The following AGO3 variants were observed in gnomAD, a reference collection of about 807,000 sequenced individuals.
The protein encoded by AGO3 is argonaute RISC catalytic component 3, also known as protein argonaute-3.
AGO3 carries 16 observed loss-of-function variants against 105.5 expected under a neutral mutation model. That is an observed-to-expected ratio of 0.15 (90% CI 0.10 to 0.23). The LOEUF is 0.23. AGO3 is among the 10% of genes least tolerant of loss of function. The probability of loss-of-function intolerance (pLI) is 1.00; values close to 1 mark genes in which losing one functional copy is unlikely to be tolerated. For synonymous variants in AGO3, 340 were observed against 367.3 expected (o/e 0.93, Z 0.85); for missense variants, 534 against 1,088.0 (o/e 0.49, Z 7.16).
intron 2 of AGO3, among the ~76,000 whole-genome samples, chr1:35,962,569 A>G (rs1557653658): frequency 6.6e-6 from 1 of 151,768 alleles, no homozygotes; most frequent in Non-Finnish European, 1.5e-5. Context: ...AGAAAGAAAG[A>G]AAACATCTTG....
intron 2 of AGO3, among the ~76,000 whole-genome samples, chr1:35,947,683 G>A (rs1440037317): frequency 2.6e-5 from 4 of 152,046 alleles, no homozygotes; most frequent in African/African-American, 4.8e-5. Context: ...TTTCAGTGCC[G>A]TACTCTTATC....
intron 5 of AGO3, among the ~76,000 whole-genome samples, chr1:35,978,155 C>T (rs1646985002): frequency 6.6e-6 from 1 of 152,076 alleles, no homozygotes; most frequent in South Asian, 2.1e-4. Flanking sequence ...GAAATAAAAT[C>T]TTGATGAACT....
At chr1:35,987,303 G>A (rs1380982504) in intron 5 of AGO3, among the ~76,000 whole-genome samples, 1 of 151,786 alleles carries the variant, frequency 6.6e-6, no homozygotes, top group African/African-American at 2.4e-5. Flanking sequence ...GCTCCAGCCT[G>A]GGCGACAGAA....
chr1:35,995,236 ATT>A (rs1553164848), intron 5 of AGO3, among the ~76,000 whole-genome samples: 3 of 143,534 alleles, frequency 2.1e-5, no homozygotes, highest in East Asian at 2.2e-4. Flanking sequence ...ATATATATAT[ATT>A]ATATAAAATT....
At chr1:36,031,236 G>T (rs796912708) in intron 12 of AGO3, among the ~76,000 whole-genome samples, 9 of 151,958 alleles carry the variant, frequency 5.9e-5, no homozygotes, top group African/African-American at 2.2e-4. Context: ...CTATTGTCAG[G>T]CATGACCATA....
chr1:36,051,465 A>G (rs528635963), intron 17 of AGO3, among the ~76,000 whole-genome samples: 1 of 152,292 alleles, frequency 6.6e-6, no homozygotes, highest in East Asian at 1.9e-4. Flanking sequence ...CATGCCTGTA[A>G]TCCCAGCTTC....
chr1:36,014,736 A>T (rs1336664266), intron 11 of AGO3, among the ~76,000 whole-genome samples: 1 of 144,102 alleles, frequency 6.9e-6, no homozygotes, highest in African/African-American at 2.6e-5. Flanking sequence ...GTGCCACTGC[A>T]CTCCAGCCTG....
chr1:35,993,738 C>CTTTTTTTTTTTT (rs141978570), intron 5 of AGO3, among the ~76,000 whole-genome samples: 3 of 90,780 alleles, frequency 3.3e-5, no homozygotes, highest in African/African-American at 1.5e-4. Context: ...CCACCCCCTG[C>CTTTTTTTTTTTT]TTTTTTTTTT....
intron 1 of AGO3, among the ~76,000 whole-genome samples, chr1:35,943,531 C>T (rs1646296711): frequency 6.6e-6 from 1 of 151,266 alleles, no homozygotes; most frequent in Admixed American, 6.6e-5. Context: ...GAACTCCCAA[C>T]CTCAGGTGAT....
chr1:35,982,483 A>T (rs1259003132), intron 5 of AGO3: 1 of 597,536 alleles, frequency 1.7e-6, no homozygotes, highest in Non-Finnish European at 3.0e-6. Context: ...ATCACAGAAA[A>T]TTAAATGCAA....
At chr1:36,009,168 T>C (rs1381109370) in intron 8 of AGO3, 124 bp downstream of exon 8, 10 of 1,219,996 alleles carry the variant, frequency 8.2e-6, no homozygotes, top group Non-Finnish European at 1.1e-5. Context: ...TAAGTTTTAA[T>C]TTATTCTAAA....
chr1:35,941,222 T>G (rs1646247459), intron 1 of AGO3, among the ~76,000 whole-genome samples: 1 of 152,152 alleles, frequency 6.6e-6, no homozygotes, highest in Admixed American at 6.5e-5. Flanking sequence ...ATCTAGTCCA[T>G]TTAACAATTC....
At chr1:36,022,698 G>A (rs7549454) in intron 11 of AGO3, among the ~76,000 whole-genome samples, 2,361 of 152,042 alleles carry the variant, frequency 0.016, 51 homozygotes, top group African/African-American at 0.054. Context: ...TTGGGAGGCC[G>A]AGGCGGGTGG....
At chr1:35,944,627 A>G (rs1646327048) in intron 1 of AGO3, among the ~76,000 whole-genome samples, 1 of 147,954 alleles carries the variant, frequency 6.8e-6, no homozygotes, top group Non-Finnish European at 1.5e-5. Context: ...CAGCCTGCTA[A>G]GTAGCTGGAA....
Position 36,008,731 on chromosome 1 carries a change from A to G in AGO3, c.835A>G (p.Lys279Glu). ...EVTHCGTMRRKYRVCNVTRRP... is the reference protein window; with the variant it reads ...EVTHCGTMRREYRVCNVTRRP... ...GACTCATTGTGGAACAATGAGACGG[A>G]AATACCGTGTTTGTAATGTAACAAG... The change falls in exon 7 of 19, where the codon AAA becomes GAA. Residue 279 changes from lysine to glutamate, a missense_variant. By Grantham distance (56) the Lys-to-Glu change is moderately conservative (BLOSUM62 1). This residue lies in a region of AGO3 where 373 missense variants were observed against 854.0 expected (regional missense o/e 0.44). Transcript: ENST00000373191. This position sits in a 1 kb window ranked among gnomAD's most constrained non-coding sequence, Gnocchi z 5.1. 1 of 1,614,160 alleles carries G rather than the reference A, an allele frequency of 6.2e-7. No individual in the cohort carries two copies. Among genetic ancestry groups the G allele is most frequent in the Non-Finnish European group, 8.5e-7 (1 of 1,180,022 alleles).
chr1:35,950,784 A>G (rs569933186), intron 2 of AGO3, among the ~76,000 whole-genome samples: 1 of 152,276 alleles, frequency 6.6e-6, no homozygotes, highest in East Asian at 1.9e-4. Context: ...TCCAACCTCT[A>G]AATACACCTT....
chr1:35,932,369 C>CT (rs760625135), intron 1 of AGO3, among the ~76,000 whole-genome samples: 1 of 152,132 alleles, frequency 6.6e-6, no homozygotes, highest in Non-Finnish European at 1.5e-5. Context: ...GCGGGGCTGT[C>CT]TTGTTACTAA....
rs770591391 is a variant in AGO3, at chr1:36,069,504, A to C, written c.*13759A>C. On this transcript the variant is annotated 3_prime_UTR_variant, in exon 19 of 19. Coordinates refer to ENST00000373191, the MANE Select transcript of AGO3 (RefSeq NM_024852.4). ...AGTGTTGTGTGAAGGATTCCTTTCC[A>C]GTTTGCCTCTGTGAAAATGTCTTTG... The C allele has an allele frequency of 3.3e-5, 5 of 152,220 alleles. No individual in the cohort carries two copies. Among genetic ancestry groups the C allele is most frequent in the Non-Finnish European group, 7.3e-5 (5 of 68,044 alleles). The allele number at this position is 152,220 out of a possible 1,614,324, so 9.4% of individuals were successfully genotyped here.
chr1:36,019,493 A>G (rs953091449), intron 11 of AGO3, among the ~76,000 whole-genome samples: 2 of 152,210 alleles, frequency 1.3e-5, no homozygotes, highest in Admixed American at 1.3e-4. Flanking sequence ...TTCTTCAGCA[A>G]TGTTCTATGA....
Sources: gnomAD v4.1 joint callset for allele counts (sites outside exome capture counted in the v4.1 genomes callset) on GRCh38, gnomAD v4.1.1 for gene constraint, gnomAD v4.1.1 regional missense constraint, Gnocchi (gnomAD v3.1) non-coding constraint, MANE v1.5 for transcripts, NCBI Gene and HGNC (gene_info 2026-07-23, HGNC 2026-07-21) for gene names.